Variants in ZBTB20 observed in about 807,000 individuals in gnomAD.
ZBTB20 encodes zinc finger and BTB domain-containing protein 20.
A neutral mutation model predicts 56.9 loss-of-function variants in ZBTB20; 9 were observed. The ratio of observed to expected loss-of-function variants is 0.16; its 90% CI spans 0.10 to 0.28. ZBTB20 has a LOEUF of 0.28. Among genes scored for constraint, ZBTB20 ranks in the 10% least tolerant of loss-of-function variants. The pLI is 1.00. For synonymous variants in ZBTB20, 417 were observed against 420.7 expected, an observed-to-expected ratio of 0.99 and a Z score of 0.11; for missense variants, 655 against 1,003.0, an observed-to-expected ratio of 0.65 and a Z score of 4.69.
intron 1 of ZBTB20, among the ~76,000 whole-genome samples, chr3:115,087,488 G>C (rs1018991363): frequency 2.6e-5 from 4 of 151,874 alleles, no homozygotes; most frequent in Admixed American, 2.0e-4. Flanking sequence ...GAGATTATCA[G>C]CAGAATACTT....
chr3:114,628,566 G>A (rs1374913740), intron 6 of ZBTB20, among the ~76,000 whole-genome samples: 2 of 152,088 alleles, frequency 1.3e-5, no homozygotes. Context: ...TGGCAGCAAT[G>A]CAGTTCTTAT....
At chr3:114,426,536 G>A (rs1400349481) in intron 7 of ZBTB20, among the ~76,000 whole-genome samples, 1 of 150,198 alleles carries the variant, frequency 6.7e-6, no homozygotes, top group Non-Finnish European at 1.5e-5. Flanking sequence ...TCAGCATCCG[G>A]TGCCACTAAG....
At chr3:114,448,729 A>T (rs2091424211) in intron 7 of ZBTB20, among the ~76,000 whole-genome samples, 1 of 152,172 alleles carries the variant, frequency 6.6e-6, no homozygotes, top group Admixed American at 6.5e-5. Context: ...GACTTATAAA[A>T]ATACTTCATA....
rs566158186 is a variant in ZBTB20, at chr3:114,554,972, T to C, written c.-294-54581A>G. Among the ~76,000 whole-genome samples the C allele has an allele frequency of 7.2e-5, 11 of 152,264 alleles. No homozygotes were observed. The South Asian group carries it at 1.2e-3, about 17-fold the overall frequency. On this transcript the variant is annotated intron_variant, in intron 6 of 11. Coordinates refer to ENST00000675478, the MANE Select transcript of ZBTB20 (RefSeq NM_001348800.3). ...TACATTTTTATGAAATATTTCTCAC[T>C]GTAGTCAGCATCAATTTAGGAGTAT...
chr3:114,583,607 T>A (rs1454646215), intron 6 of ZBTB20, among the ~76,000 whole-genome samples: 2 of 152,246 alleles, frequency 1.3e-5, no homozygotes, highest in Middle Eastern at 3.4e-3. Flanking sequence ...TGTTTTTAGG[T>A]AAATAGGAAC....
At position 114,996,949 on chromosome 3, in the gene ZBTB20, G is replaced by T. The variant is rs574645515; in HGVS notation, c.-506-22533C>A. On this transcript the variant is annotated intron_variant, in intron 2 of 11. Coordinates refer to ENST00000675478, the MANE Select transcript of ZBTB20 (RefSeq NM_001348800.3). ...CACAGTAAGATACCATCTCATGCCA[G>T]TTAGAATGGTGATCATTAAAAAGTC... 5.3e-5 allele frequency among the ~76,000 whole-genome samples: 8 copies of T among 152,036 alleles called. No individual in the cohort carries two copies. In the South Asian group the frequency reaches 6.2e-4, roughly 12 times the overall value.
At chr3:114,344,193 T>G (rs372014126) in intron 11 of ZBTB20, among the ~76,000 whole-genome samples, 2 of 152,380 alleles carry the variant, frequency 1.3e-5, no homozygotes, top group South Asian at 4.1e-4. Flanking sequence ...CATGCTGCAT[T>G]CACAAAATAT....
rs549706162 is a variant in ZBTB20 at position 115,025,068 on chromosome 3, T to C, written c.-507+46151A>G. Among the ~76,000 whole-genome samples, 7 of 151,366 alleles carry C rather than the reference T, an allele frequency of 4.6e-5. No individual in the cohort carries two copies. In the South Asian group the frequency reaches 6.2e-4, roughly 13 times the overall value. ...AGGTATTAAGCCAAGTATCCATTAG[T>C]TATTTTTCCTGATCCTTTCCCTCCT... is the stretch of plus-strand genomic sequence containing the variant. On this transcript the variant is annotated intron_variant, in intron 2 of 11. Transcript: ENST00000675478.
In ZBTB20 at chr3:115,030,455, A is replaced by T. The variant is rs374886876; in HGVS notation, c.-507+40764T>A. On this transcript the variant is annotated intron_variant, in intron 2 of 11. Transcript: ENST00000675478. ...ATTAAAGTTCCTTAAGAGAAAGGGT[A>T]ATATTTTACCTCTTTCTGCATGCTC... Among the ~76,000 whole-genome samples, 26 of 151,420 alleles carry T rather than the reference A, an allele frequency of 1.7e-4. No homozygotes were observed. In the East Asian group the frequency reaches 3.5e-3, roughly 20 times the overall value.
intron 3 of ZBTB20, among the ~76,000 whole-genome samples, chr3:114,936,997 G>C (rs914781042): frequency 2.0e-5 from 3 of 152,212 alleles, no homozygotes; most frequent in African/African-American, 7.2e-5. Flanking sequence ...GAAGAGATCT[G>C]CATGCAGGAA....
At chr3:115,081,950 C>T (rs971088306) in intron 1 of ZBTB20, among the ~76,000 whole-genome samples, 2 of 152,088 alleles carry the variant, frequency 1.3e-5, no homozygotes, top group East Asian at 3.9e-4. Context: ...GTCTCTGGAA[C>T]GTATAGATAG....
At chr3:114,918,373 T>A (rs1179651471) in intron 3 of ZBTB20, among the ~76,000 whole-genome samples, 1 of 152,012 alleles carries the variant, frequency 6.6e-6, no homozygotes, top group South Asian at 2.1e-4. Flanking sequence ...CAAGCTAGCA[T>A]CTAAGCTGCA....
chr3:115,051,696 C>A (rs2081555008), intron 2 of ZBTB20, among the ~76,000 whole-genome samples: 3 of 152,068 alleles, frequency 2.0e-5, no homozygotes, highest in Non-Finnish European at 4.4e-5. Context: ...TCAGCAAGTT[C>A]TTTTTCCAAT....
intron 10 of ZBTB20, among the ~76,000 whole-genome samples, chr3:114,353,335 A>G (rs1265469225): frequency 6.6e-6 from 1 of 152,250 alleles, no homozygotes; most frequent in African/African-American, 2.4e-5. Context: ...TTGCGATAGA[A>G]GACTTGTTCA....
chr3:114,406,680 G>T (rs1260133112), intron 7 of ZBTB20, among the ~76,000 whole-genome samples: 5 of 152,064 alleles, frequency 3.3e-5, no homozygotes, highest in African/African-American at 1.2e-4. Context: ...TAAGGTGTTT[G>T]TACTCCTTCT....
chr3:114,545,158 C>A (rs2049721324), intron 6 of ZBTB20, among the ~76,000 whole-genome samples: 1 of 152,072 alleles, frequency 6.6e-6, no homozygotes, highest in Non-Finnish European at 1.5e-5. Flanking sequence ...GTAGTCTAGT[C>A]AAAAAGGAAT....
At chr3:114,990,036 T>G (rs930624677) in intron 2 of ZBTB20, among the ~76,000 whole-genome samples, 24 of 152,314 alleles carry the variant, frequency 1.6e-4, no homozygotes, top group Non-Finnish European at 2.5e-4. Context: ...TATACAATCA[T>G]GTCATCTGCA....
intron 4 of ZBTB20, among the ~76,000 whole-genome samples, chr3:114,855,423 T>A (rs2075203739): frequency 6.6e-6 from 1 of 152,226 alleles, no homozygotes; most frequent in Admixed American, 6.5e-5. Context: ...GTTGAGCTAG[T>A]GTTTTCCTAG....
chr3:114,652,466 T>C, intron 6 of ZBTB20, among the ~76,000 whole-genome samples: 1 of 152,172 alleles, frequency 6.6e-6, no homozygotes, highest in South Asian at 2.1e-4. Flanking sequence ...TAAACTTGCC[T>C]GTACAAATCT....
Sources: allele counts gnomAD v4.1 joint callset (sites outside exome capture counted in the v4.1 genomes callset), GRCh38; gene constraint gnomAD v4.1.1; transcripts MANE v1.5; gene names NCBI Gene and HGNC (gene_info 2026-07-23, HGNC 2026-07-21).